The following DAP variants were observed in gnomAD, a reference collection of about 807,000 sequenced individuals.
DAP encodes the protein death-associated protein 1.
DAP carries 8 observed loss-of-function variants against 13.8 expected under a neutral mutation model. The ratio of observed to expected loss-of-function variants is 0.58; its 90% CI spans 0.34 to 1.05. DAP has a LOEUF of 1.05. Among genes scored for constraint, DAP ranks in the 50% least tolerant of loss-of-function variants. The pLI is 0.03. For missense variants in DAP, 106 were observed against 133.2 expected (o/e 0.80, Z 1.01); for synonymous variants, 47 against 47.5 (o/e 0.99, Z 0.04).
intron 1 of DAP, among the ~76,000 whole-genome samples, chr5:10,755,487 C>T (rs1013750244): frequency 6.6e-5 from 10 of 151,554 alleles, no homozygotes; most frequent in Admixed American, 2.6e-4. Context: ...CCACACCATA[C>T]GGACCCCAGC....
At chr5:10,760,947 C>A in intron 1 of DAP, 67 bp downstream of exon 1, 1 of 1,063,690 alleles carries the variant, frequency 9.4e-7, no homozygotes, top group South Asian at 4.4e-5. Flanking sequence ...GAGCCCCCGC[C>A]CGGCGCCCCC....
rs1226515289 is a variant in DAP at position 10,680,602 on chromosome 5, C to T, written c.*454G>A. ...GGTCCTTTATGAGGGGCCGCCCAAA[C>T]TCATTCCCTTAGTTCTTACTCTCCC... is the stretch of plus-strand genomic sequence containing the variant. On this transcript the variant is annotated 3_prime_UTR_variant, in exon 4 of 4. Transcript: ENST00000230895. The T allele has an allele frequency of 4.4e-6, 4 of 910,692 alleles. No individual in the cohort carries two copies. The East Asian group carries it at 7.9e-5, about 18-fold the overall frequency. 56.4% of individuals were successfully genotyped at this position (910,692 alleles called of 1,614,324 possible).
intron 2 of DAP, among the ~76,000 whole-genome samples, chr5:10,709,647 C>T (rs933267935): frequency 6.6e-5 from 10 of 152,188 alleles, no homozygotes; most frequent in African/African-American, 1.9e-4. Flanking sequence ...AATGAATTTC[C>T]AGGAGAGAAT....
chr5:10,689,039 C>A (rs1448484288), intron 2 of DAP, among the ~76,000 whole-genome samples: 1 of 152,178 alleles, frequency 6.6e-6, no homozygotes, highest in Non-Finnish European at 1.5e-5. Context: ...GCCCTCGGTG[C>A]TCCTCAGAGG....
chr5:10,756,916 A>AGT (rs3839214), intron 1 of DAP, among the ~76,000 whole-genome samples: 141,194 of 152,244 alleles, frequency 0.93, 65,813 homozygotes, highest in Non-Finnish European at 0.97. Context: ...TCAAACAAGC[A>AGT]CTCACCCCAT....
intron 2 of DAP, among the ~76,000 whole-genome samples, chr5:10,706,003 C>T (rs1561014330): frequency 6.6e-6 from 1 of 152,196 alleles, no homozygotes; most frequent in Non-Finnish European, 1.5e-5. Context: ...AAGCCACAGT[C>T]ACCTCCGCCC....
At chr5:10,682,956 G>A (rs1738060560) in intron 3 of DAP, 2 of 164,232 alleles carry the variant, frequency 1.2e-5, no homozygotes, top group Admixed American at 6.5e-5. Flanking sequence ...TGCACAGGGC[G>A]CCTACGAGAC....
chr5:10,717,761 C>T (rs947159630), intron 2 of DAP, among the ~76,000 whole-genome samples: 8 of 152,174 alleles, frequency 5.3e-5, no homozygotes, highest in Admixed American at 4.6e-4. Flanking sequence ...CGACAATGAA[C>T]GGCAGAGGCA....
At chr5:10,701,257 C>T (rs1464393957) in intron 2 of DAP, among the ~76,000 whole-genome samples, 1 of 152,202 alleles carries the variant, frequency 6.6e-6, no homozygotes, top group Non-Finnish European at 1.5e-5. Flanking sequence ...TTAATAAAGG[C>T]AGGTGAAGAT....
chr5:10,742,605 G>T (rs1739789295), intron 2 of DAP, among the ~76,000 whole-genome samples: 1 of 152,140 alleles, frequency 6.6e-6, no homozygotes, highest in Admixed American at 6.6e-5. Context: ...AGATTCTTCA[G>T]GTGGGCTTCT....
Position 10,754,951 on chromosome 5 carries a change from C to A in DAP, c.55+6063G>T, listed in dbSNP as rs1023343605. Among the ~76,000 whole-genome samples the A allele has an allele frequency of 3.3e-5, 5 of 152,120 alleles. No individual in the cohort carries two copies. The South Asian group carries it at 1.0e-3, about 32-fold the overall frequency. On this transcript the variant is annotated intron_variant, in intron 1 of 3. Transcript: ENST00000230895. ...GAACCTGTGAGTGTGCTGGGCTACACGGCCAGGGGAAATGAGGGTTGTAGA... is the reference window on the plus strand; with the variant it reads ...GAACCTGTGAGTGTGCTGGGCTACAAGGCCAGGGGAAATGAGGGTTGTAGA...
chr5:10,758,392 TGCTGTTGGCATTTGAGG>T (rs1740248622), intron 1 of DAP, among the ~76,000 whole-genome samples: 1 of 149,550 alleles, frequency 6.7e-6, no homozygotes, highest in African/African-American at 2.5e-5. Context: ...ATTTGAGGGG[TGCTGTTGGCATTTGAGG>T]GGTGCTGTTG....
In DAP at chr5:10,748,236, G is replaced by C; in HGVS notation, c.91C>G (p.Pro31Ala). ...AGGMRIVQKH[P>A]HTGDTKEEKD... is the part of the protein sequence containing the mutation. ...TCTTCTTTGGTGTCTCCTGTATGTG[G>C]GTGTTTCTGCACAATTCGCATTCCA... Residue 31 changes from proline (P) to alanine (A), a missense_variant, in exon 2 of 4, where the codon CCA becomes GCA. Physicochemically the swap from Pro to Ala is conservative, Grantham distance 27. Coordinates refer to ENST00000230895, the MANE Select transcript of DAP (RefSeq NM_004394.3). 6.2e-7 allele frequency: 1 copy of C among 1,614,042 alleles called. No homozygotes were observed. The highest frequency in any genetic ancestry group is 8.5e-7 in the Non-Finnish European group (1 of 1,179,922).
intron 2 of DAP, among the ~76,000 whole-genome samples, chr5:10,688,717 T>TGGAGGCTAAAGGAGATCC (rs1377723011): frequency 6.6e-6 from 1 of 152,236 alleles, no homozygotes; most frequent in African/African-American, 2.4e-5. Flanking sequence ...ATGGAGACTC[T>TGGAGGCTAAAGGAGATCC]GGAGGCTAAA....
intron 1 of DAP, among the ~76,000 whole-genome samples, chr5:10,760,439 A>G (rs898553091): frequency 9.9e-5 from 15 of 152,186 alleles, no homozygotes; most frequent in African/African-American, 3.6e-4. Context: ...TTGGCTCAGA[A>G]GTTTAGGATT....
chr5:10,726,699 G>GT (rs1739295494), intron 2 of DAP, among the ~76,000 whole-genome samples: 1 of 152,228 alleles, frequency 6.6e-6, no homozygotes, highest in Admixed American at 6.5e-5. Flanking sequence ...AGGGCCTGAG[G>GT]TTTTATGTCA....
intron 2 of DAP, among the ~76,000 whole-genome samples, chr5:10,687,646 CAA>C (rs1738188557): frequency 6.6e-6 from 1 of 151,360 alleles, no homozygotes; most frequent in South Asian, 2.1e-4. Context: ...CATGGATGAG[CAA>C]AGAAAGTGAT....
intron 2 of DAP, among the ~76,000 whole-genome samples, chr5:10,697,144 C>T (rs989537508): frequency 1.3e-5 from 2 of 152,244 alleles, no homozygotes; most frequent in African/African-American, 4.8e-5. Context: ...GTTGGGAGAC[C>T]TTGGCTGTAG....
chr5:10,751,722 GTC>G (rs1443161656), intron 1 of DAP, among the ~76,000 whole-genome samples: 2 of 152,162 alleles, frequency 1.3e-5, no homozygotes, highest in Admixed American at 1.3e-4. Flanking sequence ...TAGAAATGGT[GTC>G]TCTATAAGAG....
Sources: gnomAD v4.1 joint callset for allele counts (sites outside exome capture counted in the v4.1 genomes callset) on GRCh38, gnomAD v4.1.1 for gene constraint, MANE v1.5 for transcripts, NCBI Gene and HGNC (gene_info 2026-07-23, HGNC 2026-07-21) for gene names.